Variants in GNAQ observed in about 807,000 individuals in gnomAD.
The protein encoded by GNAQ is G protein subunit alpha q, also known as guanine nucleotide-binding protein G(q) subunit alpha.
Under a neutral mutation model 43.9 loss-of-function variants are expected in GNAQ, and 8 were observed. That is an observed-to-expected ratio of 0.18 (90% CI 0.11 to 0.33). GNAQ has a LOEUF of 0.33. Among genes scored for constraint, GNAQ ranks in the 10% least tolerant of loss-of-function variants. GNAQ has a pLI of 1.00. For synonymous variants in GNAQ, 155 were observed against 170.7 expected, an observed-to-expected ratio of 0.91 and a Z score of 0.71; for missense variants, 158 against 450.8, an observed-to-expected ratio of 0.35 and a Z score of 5.88.
At chr9:77,955,053 T>A (rs1279512934) in intron 1 of GNAQ, among the ~76,000 whole-genome samples, 2 of 152,194 alleles carry the variant, frequency 1.3e-5, no homozygotes, top group Non-Finnish European at 2.9e-5. Flanking sequence ...AAGATACACG[T>A]ATGACACAGT....
chr9:77,756,668 A>G (rs1300688677), intron 5 of GNAQ, among the ~76,000 whole-genome samples: 1 of 152,238 alleles, frequency 6.6e-6, no homozygotes, highest in Non-Finnish European at 1.5e-5. Flanking sequence ...AGAAATGCAC[A>G]TCTGCATTCT....
At chr9:77,835,289 A>T (rs1223483054) in intron 2 of GNAQ, among the ~76,000 whole-genome samples, 1 of 151,614 alleles carries the variant, frequency 6.6e-6, no homozygotes, top group African/African-American at 2.4e-5. Context: ...TAGATAAGGG[A>T]TCTACTGTTC....
intron 6 of GNAQ, 21 bp from the exon 7 acceptor site, chr9:77,721,534 G>C: frequency 6.7e-7 from 1 of 1,484,214 alleles, no homozygotes; most frequent in Non-Finnish European, 9.3e-7. Context: ...AGAGACAAGA[G>C]GGACACTTTG....
At chr9:77,732,196 A>G (rs1027179066) in intron 5 of GNAQ, among the ~76,000 whole-genome samples, 4 of 152,192 alleles carry the variant, frequency 2.6e-5, no homozygotes, top group Admixed American at 1.3e-4. Context: ...TGACGTTTCA[A>G]GAGGGATCAA....
intron 5 of GNAQ, among the ~76,000 whole-genome samples, chr9:77,784,671 TG>T (rs1826449442): frequency 6.6e-6 from 1 of 152,180 alleles, no homozygotes; most frequent in African/African-American, 2.4e-5. Context: ...TTCAATGTAG[TG>T]AAAAGGCAAG....
intron 1 of GNAQ, among the ~76,000 whole-genome samples, chr9:78,004,156 A>C (rs1823677226): frequency 1.3e-5 from 2 of 151,922 alleles, no homozygotes; most frequent in African/African-American, 4.8e-5. Flanking sequence ...CGAGAAGCCA[A>C]AGGTGGCAGG....
intron 3 of GNAQ, 26 bp downstream of exon 3, chr9:77,815,590 A>G: frequency 2.0e-6 from 3 of 1,535,168 alleles, no homozygotes; most frequent in South Asian, 2.3e-5. Context: ...AGAAAAATCC[A>G]TAGGGCCACC....
intron 3 of GNAQ, among the ~76,000 whole-genome samples, chr9:77,814,492 C>T (rs1309902207): frequency 6.6e-6 from 1 of 152,100 alleles, no homozygotes. Flanking sequence ...TTCAGAATGG[C>T]ATAATTCAAA....
intron 5 of GNAQ, among the ~76,000 whole-genome samples, chr9:77,779,668 T>TA (rs1826358182): frequency 3.3e-5 from 1 of 30,484 alleles, no homozygotes; most frequent in African/African-American, 1.5e-4. Flanking sequence ...CCAGGTTAAC[T>TA]AAAAAACAAA....
chr9:78,004,846 G>A (rs1823686265), intron 1 of GNAQ, among the ~76,000 whole-genome samples: 1 of 151,840 alleles, frequency 6.6e-6, no homozygotes, highest in Non-Finnish European at 1.5e-5. Context: ...AGAGAAGAGA[G>A]GAAAGCAACA....
intron 2 of GNAQ, 22 bp from the exon 3 acceptor site, chr9:77,815,792 G>C (rs1214706865): frequency 1.3e-6 from 2 of 1,585,320 alleles, no homozygotes; most frequent in Non-Finnish European, 1.7e-6. Context: ...AAAAAAGGCA[G>C]TTTTAATACC....
intron 5 of GNAQ, among the ~76,000 whole-genome samples, chr9:77,735,050 A>T (rs1023905473): frequency 2.6e-5 from 4 of 152,198 alleles, no homozygotes; most frequent in African/African-American, 9.6e-5. Context: ...GATACCAGGT[A>T]CCATTTTTAT....
intron 2 of GNAQ, among the ~76,000 whole-genome samples, chr9:77,874,790 A>C (rs931290790): frequency 6.6e-6 from 1 of 151,754 alleles, no homozygotes; most frequent in Admixed American, 6.6e-5. Flanking sequence ...ATGCTTGACT[A>C]ATTTTTTGAA....
chr9:78,004,991 T>A (rs1170472499), intron 1 of GNAQ, among the ~76,000 whole-genome samples: 1 of 152,036 alleles, frequency 6.6e-6, no homozygotes, highest in Non-Finnish European at 1.5e-5. Flanking sequence ...GATAAACATA[T>A]CTGGCCTTTA....
chr9:77,883,631 A>G (rs1463221228), intron 2 of GNAQ, among the ~76,000 whole-genome samples: 1 of 151,210 alleles, frequency 6.6e-6, no homozygotes, highest in East Asian at 1.9e-4. Flanking sequence ...TAATTTTTCA[A>G]CCCTTGCCCC....
intron 1 of GNAQ, among the ~76,000 whole-genome samples, chr9:77,958,966 G>T (rs1203244058): frequency 6.6e-6 from 1 of 152,116 alleles, no homozygotes; most frequent in Non-Finnish European, 1.5e-5. Context: ...TTAGTACTAA[G>T]ACAATTCATT....
intron 5 of GNAQ, among the ~76,000 whole-genome samples, chr9:77,784,373 C>T (rs1407168244): frequency 6.6e-6 from 1 of 152,068 alleles, no homozygotes; most frequent in African/African-American, 2.4e-5. Context: ...TCCCAAATTA[C>T]ATAAACGGGT....
At chr9:77,759,894 T>TC (rs1554713694) in intron 5 of GNAQ, among the ~76,000 whole-genome samples, 1 of 147,120 alleles carries the variant, frequency 6.8e-6, no homozygotes, top group African/African-American at 2.5e-5. Flanking sequence ...CTCTCTCTTT[T>TC]TTTCTTTCTT....
intron 1 of GNAQ, among the ~76,000 whole-genome samples, chr9:77,958,443 T>C (rs1823068987): frequency 6.6e-6 from 1 of 152,172 alleles, no homozygotes; most frequent in Admixed American, 6.5e-5. Context: ...TAACAATAAA[T>C]GACTTTCATA....
Sources: allele counts gnomAD v4.1 joint callset (sites outside exome capture counted in the v4.1 genomes callset), GRCh38; gene constraint gnomAD v4.1.1; transcripts MANE v1.5; gene names NCBI Gene and HGNC (gene_info 2026-07-23, HGNC 2026-07-21).